The following SLC30A5 variants were observed in gnomAD, a reference collection of about 807,000 sequenced individuals.
SLC30A5 encodes the protein solute carrier family 30 member 5.
SLC30A5 carries 33 observed loss-of-function variants against 79.6 expected under a neutral mutation model. The ratio of observed to expected loss-of-function variants is 0.41; its 90% CI spans 0.31 to 0.55. The LOEUF (loss-of-function observed/expected upper bound fraction) is 0.55. Ranked by LOEUF, SLC30A5 falls within the 20% of genes least tolerant of loss-of-function variation. The pLI is 0.20. For missense variants in SLC30A5, 788 were observed against 928.1 expected (o/e 0.85, Z 1.96); for synonymous variants, 299 against 319.7 (o/e 0.94, Z 0.69).
At position 69,128,136 on chromosome 5, in the gene SLC30A5, A is replaced by G; in HGVS notation, c.2127+4A>G. ...AGAACAAAGAATAGTACAGCAGGTA[A>G]TCTTTTGTTTTTAAAGTAATTTTAA... On this transcript the variant is annotated splice_donor_region_variant and intron_variant, in intron 15 of 15. Transcript: ENST00000396591. The G allele has an allele frequency of 6.2e-7, 1 of 1,600,710 alleles. No individual in the cohort carries two copies. The highest frequency in any genetic ancestry group is 8.5e-7 in the Non-Finnish European group (1 of 1,174,086).
At position 69,118,563 on chromosome 5, in the gene SLC30A5, T is replaced by A. The variant is rs1308612858; in HGVS notation, c.1504T>A (p.Phe502Ile). Residue 502 changes from phenylalanine (F) to isoleucine (I), a missense_variant, in exon 12 of 16, where the codon TTT (phenylalanine) becomes ATT (isoleucine). Transcript: ENST00000396591. The stretch of plus-strand genomic sequence containing the variant: ...ACTTTTTCTAATAGTAATAGCGTTT[T>A]TTGTGTTTATGGAGTCAGTGGCTAG... ...NGLFLIVIAF[F>I]VFMESVARLI... is the part of the protein sequence containing the mutation. 3 of 1,604,460 alleles carry A rather than the reference T, an allele frequency of 1.9e-6. No individual in the cohort carries two copies. The highest frequency in any genetic ancestry group is 3.4e-5 in the Admixed American group (2 of 58,488).
chr5:69,114,597 T>G, intron 7 of SLC30A5, 101 bp downstream of exon 7: 33 of 760,748 alleles, frequency 4.3e-5, no homozygotes, highest in Non-Finnish European at 5.8e-5. Flanking sequence ...CTGGGCCCAG[T>G]GGCTCACGCC....
chr5:69,103,123 C>A lies in SLC30A5; in HGVS notation c.268C>A (p.His90Asn). Residue 90 changes from histidine (H) to asparagine (N), a missense_variant, in exon 3 of 16, where the codon CAC becomes AAC. By Grantham distance (68) the His-to-Asn change is moderately conservative. Around this residue, in one of 3 missense-constraint regions of SLC30A5, gnomAD observed 626 missense variants for 755.5 expected, o/e 0.83. Coordinates refer to ENST00000396591, the MANE Select transcript of SLC30A5 (RefSeq NM_022902.5). ...PFSSGKTITK[H>N]QWIKIFKHAV... ...TTCTTCTGGGAAAACTATTACCAAA[C>A]ACCAGGTAAGATTTTTGCAGAATCT... is the stretch of plus-strand genomic sequence containing the variant. 6.3e-7 allele frequency: 1 copy of A among 1,578,650 alleles called. No homozygotes were observed. The highest frequency in any genetic ancestry group is 8.7e-7 in the Non-Finnish European group (1 of 1,152,518).
chr5:69,097,173 T>C (rs901998245), intron 1 of SLC30A5, among the ~76,000 whole-genome samples: 2 of 138,310 alleles, frequency 1.4e-5, no homozygotes, highest in African/African-American at 5.6e-5. Context: ...TGGAGTGCAG[T>C]GGCGCGATCT....
intron 12 of SLC30A5, among the ~76,000 whole-genome samples, chr5:69,119,208 G>A (rs1399112413): frequency 6.6e-6 from 1 of 151,526 alleles, no homozygotes; most frequent in Non-Finnish European, 1.5e-5. Context: ...CCTCCATCAA[G>A]ATTTTGCTTA....
chr5:69,121,681 TCCC>T lies in SLC30A5; in HGVS notation c.1570-12_1570-10del. 3 of 1,569,118 alleles carry T rather than the reference TCCC, an allele frequency of 1.9e-6. No homozygotes were observed. Among genetic ancestry groups the T allele is most frequent in the Admixed American group, 3.9e-5 (2 of 50,678 alleles). On this transcript the variant is annotated splice_polypyrimidine_tract_variant and intron_variant, in intron 12 of 15. Coordinates refer to ENST00000396591, the MANE Select transcript of SLC30A5 (RefSeq NM_022902.5). ...ATTACTAATTTAAAGGTTTTTTTTC[TCCC>T]TTTTGCTAGCCAGTCTCAGTTGGAG... is the stretch of plus-strand genomic sequence containing the variant.
intron 1 of SLC30A5, among the ~76,000 whole-genome samples, chr5:69,095,906 CAAA>C (rs11293362): frequency 5.7e-5 from 8 of 140,226 alleles, no homozygotes; most frequent in Admixed American, 1.4e-4. Flanking sequence ...CTAAAAATAC[CAAA>C]AAAAAAAAAA....
At chr5:69,121,585 A>G in intron 12 of SLC30A5, 109 bp from the exon 13 acceptor site, 1 of 758,838 alleles carries the variant, frequency 1.3e-6, no homozygotes, top group East Asian at 2.9e-5. Flanking sequence ...TACTGTGAAT[A>G]CTTTCAAAAC....
rs746524257 is a variant in SLC30A5 at position 69,114,487 on chromosome 5, A to G, written c.603A>G (p.Ala201=). The G allele has an allele frequency of 2.5e-6, 4 of 1,588,840 alleles. No homozygotes were observed. In the Admixed American group the frequency reaches 5.0e-5, roughly 20 times the overall value. The change falls in exon 7 of 16, where the codon GCA becomes GCG. Residue 201 remains alanine, a synonymous_variant. Coordinates refer to ENST00000396591, the MANE Select transcript of SLC30A5 (RefSeq NM_022902.5). ...LYTAIAFLGV[A]DHKGGVLLLV... is the part of the protein sequence containing the mutation. ...CAGCCATTGCCTTCTTAGGTGTGGC[A>G]GATCACAAGGTATGATTTCTTTGTT...
intron 3 of SLC30A5, 40 bp from the exon 4 acceptor site, chr5:69,104,591 A>G: frequency 2.0e-6 from 3 of 1,487,230 alleles, no homozygotes; most frequent in Non-Finnish European, 2.7e-6. Flanking sequence ...AGCAAAATAT[A>G]TGTGACTGAA....
At chr5:69,117,832 G>A (rs1482484373) in intron 11 of SLC30A5, among the ~76,000 whole-genome samples, 2 of 150,660 alleles carry the variant, frequency 1.3e-5, no homozygotes, top group African/African-American at 2.4e-5. Context: ...AGCCAAGATC[G>A]TGCCACTGCA....
intron 7 of SLC30A5, 95 bp from the exon 8 acceptor site, chr5:69,115,142 A>G: frequency 1.9e-5 from 3 of 159,316 alleles, no homozygotes; most frequent in Admixed American, 1.4e-4. Flanking sequence ...GGGGAAAAAA[A>G]AAAAAAAAAA....
At chr5:69,115,483 A>T (rs2111975280) in intron 8 of SLC30A5, 76 bp downstream of exon 8, 1 of 1,123,808 alleles carries the variant, frequency 8.9e-7, no homozygotes, top group East Asian at 2.5e-5. Context: ...AGTTCACTGT[A>T]TTCAATAAAT....
At chr5:69,101,520 G>A (rs1477091379) in intron 2 of SLC30A5, among the ~76,000 whole-genome samples, 1 of 151,442 alleles carries the variant, frequency 6.6e-6, no homozygotes, top group Non-Finnish European at 1.5e-5. Flanking sequence ...CTTGTGATCT[G>A]CCCGCCTCAG....
At chr5:69,126,396 C>T (rs920406474) in intron 14 of SLC30A5, among the ~76,000 whole-genome samples, 3 of 152,154 alleles carry the variant, frequency 2.0e-5, no homozygotes, top group Admixed American at 2.0e-4. Flanking sequence ...AAGCTTTGGC[C>T]TTCCAAAGTG....
At chr5:69,122,781 T>G (rs969736383) in intron 13 of SLC30A5, among the ~76,000 whole-genome samples, 6 of 152,244 alleles carry the variant, frequency 3.9e-5, no homozygotes, top group Non-Finnish European at 1.5e-5. Flanking sequence ...TGTGCTATTA[T>G]GAACCTTCAT....
At position 69,128,095 on chromosome 5, in the gene SLC30A5, T is replaced by G. The variant is rs897862424; in HGVS notation, c.2090T>G (p.Val697Gly). 3 of 1,612,108 alleles carry G rather than the reference T, an allele frequency of 1.9e-6. No individual in the cohort carries two copies. The highest frequency in any genetic ancestry group is 2.5e-6 in the Non-Finnish European group (3 of 1,178,986). ...GTGGCAGGAACAATTCATATACAGGTGACATCTGATGTGCTAGAACAAAGA... is the reference window on the plus strand; with the variant it reads ...GTGGCAGGAACAATTCATATACAGGGGACATCTGATGTGCTAGAACAAAGA... ...SIVAGTIHIQ[V>G]TSDVLEQRIV... The change falls in exon 15 of 16, where the codon GTG becomes GGG. Residue 697 changes from valine (V) to glycine (G), a missense_variant. By Grantham distance (109) the Val-to-Gly change is moderately radical. Coordinates refer to ENST00000396591, the MANE Select transcript of SLC30A5 (RefSeq NM_022902.5).
Position 69,123,404 on chromosome 5 carries a change from A to C in SLC30A5, c.1977A>C (p.Glu659Asp), listed in dbSNP as rs376885050. The C allele has an allele frequency of 5.7e-5, 92 of 1,612,998 alleles. No individual in the cohort carries two copies. The highest frequency in any genetic ancestry group is 3.3e-4 in the Middle Eastern group (2 of 6,082). The change falls in exon 14 of 16, where the codon GAA becomes GAC. Residue 659 changes from glutamate to aspartate, a missense_variant. Physicochemically the swap from Glu to Asp is conservative, Grantham distance 45 (BLOSUM62 2). Coordinates refer to ENST00000396591, the MANE Select transcript of SLC30A5 (RefSeq NM_022902.5). The stretch of plus-strand genomic sequence containing the variant: ...GATTGCCACCAGAATATGAAAAAGA[A>C]CTACATATTGCTTTAGAAAAGGTAC... The part of the protein sequence containing the change: ...LLRLPPEYEK[E>D]LHIALEKIQK...
intron 3 of SLC30A5, chr5:69,103,843 C>A (rs1322754533): frequency 1.1e-5 from 8 of 760,816 alleles, no homozygotes; most frequent in Non-Finnish European, 1.5e-5. Context: ...TACAAACCTG[C>A]GTCATAATTT....
Sources: allele counts gnomAD v4.1 joint callset (sites outside exome capture counted in the v4.1 genomes callset), GRCh38; gene constraint gnomAD v4.1.1; regional missense constraint gnomAD v4.1.1; transcripts MANE v1.5; gene names NCBI Gene and HGNC (gene_info 2026-07-23, HGNC 2026-07-21).